Variants in SSBP3 observed in about 807,000 individuals in gnomAD.
SSBP3 encodes single-stranded DNA-binding protein 3.
A neutral mutation model predicts 69.6 loss-of-function variants in SSBP3; 5 were observed. The ratio of observed to expected loss-of-function variants is 0.07; its 90% CI spans 0.04 to 0.15. The LOEUF (loss-of-function observed/expected upper bound fraction) is 0.15. Ranked by LOEUF, SSBP3 falls within the 10% of genes least tolerant of loss-of-function variation. The probability of loss-of-function intolerance (pLI) is 1.00; values close to 1 mark genes in which losing one functional copy is unlikely to be tolerated. For missense variants in SSBP3, 312 were observed against 534.0 expected (o/e 0.58, Z 4.10); for synonymous variants, 196 against 193.4 (o/e 1.01, Z -0.11).
At chr1:54,239,227 G>A (rs200509133) in intron 13 of SSBP3, 28 bp from the exon 14 acceptor site, 183 of 1,565,396 alleles carry the variant, frequency 1.2e-4, no homozygotes, top group African/African-American at 6.6e-4. Context: ...CCCACAAGTC[G>A]GGGTGATTAA....
chr1:54,387,791 A>G (rs971622080), intron 4 of SSBP3, among the ~76,000 whole-genome samples: 1 of 152,310 alleles, frequency 6.6e-6, no homozygotes, highest in African/African-American at 2.4e-5. Flanking sequence ...GCTCTCCACC[A>G]TGACCCCAAC....
chr1:54,364,116 C>T (rs1360070716), intron 4 of SSBP3, among the ~76,000 whole-genome samples: 7 of 152,234 alleles, frequency 4.6e-5, no homozygotes, highest in African/African-American at 1.4e-4. Flanking sequence ...AAGGGCCTTA[C>T]TTATACCACC....
intron 4 of SSBP3, among the ~76,000 whole-genome samples, chr1:54,371,079 C>T (rs570915653): frequency 2.2e-4 from 33 of 152,284 alleles, no homozygotes; most frequent in Middle Eastern, 3.4e-3. Context: ...CAGAAGACCA[C>T]CCAAGGGGGG....
intron 4 of SSBP3, among the ~76,000 whole-genome samples, chr1:54,369,337 G>A (rs12568021): frequency 1.3e-5 from 2 of 151,846 alleles, no homozygotes; most frequent in Non-Finnish European, 2.9e-5. Flanking sequence ...TGGGAGGCCT[G>A]CCTATGCAGG....
chr1:54,412,407 T>C (rs1295706348), intron 1 of SSBP3, among the ~76,000 whole-genome samples: 2 of 152,222 alleles, frequency 1.3e-5, no homozygotes, highest in East Asian at 3.8e-4. Context: ...TGGATGAACG[T>C]TGAAGACATT....
At chr1:54,406,157 C>T in exon 1 of SSBP3, 1 of 545,146 alleles carries the variant, frequency 1.8e-6, no homozygotes, top group South Asian at 3.6e-5. Flanking sequence ...GCCGCGCTCC[C>T]CTCCCTCCCC....
intron 5 of SSBP3, among the ~76,000 whole-genome samples, chr1:54,267,475 A>T (rs1645122185): frequency 1.3e-5 from 2 of 152,200 alleles, no homozygotes; most frequent in African/African-American, 4.8e-5. Flanking sequence ...AGGCAGAGAT[A>T]CCAGTGCACT....
intron 14 of SSBP3, chr1:54,238,203 G>A (rs1053334930): frequency 1.3e-5 from 6 of 470,970 alleles, no homozygotes; most frequent in South Asian, 4.6e-5. Flanking sequence ...GCCCGCGCTC[G>A]GGGTTTAACA....
intron 4 of SSBP3, among the ~76,000 whole-genome samples, chr1:54,294,908 C>T (rs766115601): frequency 2.6e-5 from 4 of 152,072 alleles, no homozygotes; most frequent in Admixed American, 2.0e-4. Flanking sequence ...TACCACCCTG[C>T]GATACCTTCC....
intron 4 of SSBP3, chr1:54,356,955 A>C (rs1231187938): frequency 6.6e-6 from 1 of 152,322 alleles, no homozygotes; most frequent in Non-Finnish European, 1.5e-5. Context: ...ACGCAGAGAA[A>C]GGCCTGACAC....
At chr1:54,367,236 G>T (rs556027308) in intron 4 of SSBP3, among the ~76,000 whole-genome samples, 6 of 152,126 alleles carry the variant, frequency 3.9e-5, no homozygotes, top group African/African-American at 1.2e-4. Flanking sequence ...GCCACCAATC[G>T]CTCTTGCCCA....
Position 54,329,567 on chromosome 1 carries a change from T to C in SSBP3, c.277-48040A>G, listed in dbSNP as rs747957894. Reference sequence around the variant, plus strand: ...TCAGGCCTCTGCCACCTGCCTGTGCTTGGTCCAGGGCCCCAGGCTACAGGG... The same window carrying C: ...TCAGGCCTCTGCCACCTGCCTGTGCCTGGTCCAGGGCCCCAGGCTACAGGG... On this transcript the variant is annotated intron_variant, in intron 4 of 17. Coordinates refer to ENST00000610401, the Ensembl canonical transcript of SSBP3. 2.1e-4 allele frequency among the ~76,000 whole-genome samples: 32 copies of C among 152,226 alleles called. 1 individual carries two copies. The highest frequency in any genetic ancestry group is 3.4e-4 in the Non-Finnish European group (23 of 68,032).
At chr1:54,348,840 C>G (rs1201427487) in intron 4 of SSBP3, among the ~76,000 whole-genome samples, 1 of 152,158 alleles carries the variant, frequency 6.6e-6, no homozygotes, top group African/African-American at 2.4e-5. Flanking sequence ...AAGTGAGTGG[C>G]CTCTAAATCT....
At chr1:54,291,387 G>A (rs1476834055) in intron 4 of SSBP3, among the ~76,000 whole-genome samples, 1 of 152,200 alleles carries the variant, frequency 6.6e-6, no homozygotes, top group Non-Finnish European at 1.5e-5. Context: ...TGCCTCTTCT[G>A]TGTAAATGAA....
At chr1:54,240,228 G>A (rs1221350612) in intron 13 of SSBP3, among the ~76,000 whole-genome samples, 1 of 151,692 alleles carries the variant, frequency 6.6e-6, no homozygotes, top group African/African-American at 2.4e-5. Context: ...GGAGGCTGAG[G>A]CGGGTGGATC....
At chr1:54,340,995 C>T (rs1264313904) in intron 4 of SSBP3, among the ~76,000 whole-genome samples, 2 of 152,230 alleles carry the variant, frequency 1.3e-5, no homozygotes, top group Non-Finnish European at 2.9e-5. Flanking sequence ...TGTTTTGAGA[C>T]CAGCAACTTA....
At chr1:54,353,792 A>C (rs1005673107) in intron 4 of SSBP3, among the ~76,000 whole-genome samples, 7 of 152,208 alleles carry the variant, frequency 4.6e-5, no homozygotes, top group African/African-American at 1.7e-4. Flanking sequence ...TAAACCCTAA[A>C]GCCACCTTCT....
At chr1:54,269,571 A>T (rs1259309183) in intron 5 of SSBP3, among the ~76,000 whole-genome samples, 1 of 152,246 alleles carries the variant, frequency 6.6e-6, no homozygotes, top group African/African-American at 2.4e-5. Context: ...CTAGATACGC[A>T]TGTTGGACAT....
At chr1:54,384,605 GA>G (rs1647942119) in intron 4 of SSBP3, among the ~76,000 whole-genome samples, 1 of 152,230 alleles carries the variant, frequency 6.6e-6, no homozygotes, top group Admixed American at 6.5e-5. Flanking sequence ...CCTGAGAGGA[GA>G]AAGAATGGCA....
Sources: gnomAD v4.1 joint callset for allele counts (sites outside exome capture counted in the v4.1 genomes callset) on GRCh38, gnomAD v4.1.1 for gene constraint, MANE v1.5 for transcripts, NCBI Gene and HGNC (gene_info 2026-07-23, HGNC 2026-07-21) for gene names.